The following CSTF3 variants were observed in gnomAD, a reference collection of about 807,000 sequenced individuals.
CSTF3 encodes cleavage stimulation factor subunit 3, also known as CF-1 77 kDa subunit.
Under a neutral mutation model 105.8 loss-of-function variants are expected in CSTF3, and 29 were observed. The ratio of observed to expected loss-of-function variants is 0.27; its 90% CI spans 0.20 to 0.37. CSTF3 has a LOEUF of 0.37. Ranked by LOEUF, CSTF3 falls within the 10% of genes least tolerant of loss-of-function variation. The pLI, the probability that CSTF3 is intolerant of heterozygous loss-of-function variation, is 1.00. For synonymous variants in CSTF3, 252 were observed against 281.9 expected (o/e 0.89, Z 1.06); for missense variants, 357 against 879.3 (o/e 0.41, Z 7.51).
Position 33,146,268 on chromosome 11 carries a change from T to A in CSTF3, c.28-4282A>T, listed in dbSNP as rs776090943. On this transcript the variant is annotated intron_variant, in intron 1 of 20. Coordinates refer to ENST00000323959, the MANE Select transcript of CSTF3 (RefSeq NM_001326.3). Reference sequence around the variant, plus strand: ...AAAAAAAAAGAAAAAAAGAAACTGATCAACGTTTAATATAAATGTCCGATT... The same window carrying A: ...AAAAAAAAAGAAAAAAAGAAACTGAACAACGTTTAATATAAATGTCCGATT... 5.3e-5 allele frequency among the ~76,000 whole-genome samples: 8 copies of A among 151,742 alleles called. 1 individual carries two copies. Among genetic ancestry groups the A allele is most frequent in the Admixed American group, 1.3e-4 (2 of 15,230 alleles).
intron 1 of CSTF3, among the ~76,000 whole-genome samples, chr11:33,142,245 T>C (rs1359312308): frequency 6.6e-6 from 1 of 152,052 alleles, no homozygotes; most frequent in Non-Finnish European, 1.5e-5. Flanking sequence ...ACTAAACACG[T>C]ACAGCCTTTT....
rs1855322209 is a variant in CSTF3, at chr11:33,106,025, T to C, written c.396A>G (p.Lys132=). The stretch of plus-strand genomic sequence containing the variant: ...GATAGGACATAATTTCCATTCCAAT[T>C]TTATCCAGTGCAAAGTCATATGCTT... The part of the protein sequence containing the change: ...MAQAYDFALD[K]IGMEIMSYQI... Residue 132 remains lysine (K), a synonymous_variant, in exon 6 of 21, where the codon AAA becomes AAG. Transcript: ENST00000323959. The C allele has an allele frequency of 1.2e-6, 2 of 1,612,960 alleles. No individual in the cohort carries two copies. The highest frequency in any genetic ancestry group is 1.1e-5 in the South Asian group (1 of 90,944).
intron 3 of CSTF3, among the ~76,000 whole-genome samples, chr11:33,132,945 T>C (rs1184345930): frequency 6.6e-6 from 1 of 151,970 alleles, no homozygotes; most frequent in Non-Finnish European, 1.5e-5. Flanking sequence ...ATATATAATA[T>C]ATATGTAACA....
intron 3 of CSTF3, among the ~76,000 whole-genome samples, chr11:33,120,412 C>T (rs1317838399): frequency 6.6e-6 from 1 of 151,644 alleles, no homozygotes; most frequent in Non-Finnish European, 1.5e-5. Context: ...ACATATATTA[C>T]CCTTTTAAAT....
chr11:33,091,706 GGTATCTT>G (rs2133769737), intron 16 of CSTF3, among the ~76,000 whole-genome samples: 2 of 152,106 alleles, frequency 1.3e-5, no homozygotes, highest in African/African-American at 4.8e-5. Context: ...GAGAGAGAGA[GGTATCTT>G]TTTTGTTGTT....
intron 1 of CSTF3, among the ~76,000 whole-genome samples, chr11:33,146,006 G>A (rs1402113773): frequency 6.6e-6 from 1 of 152,106 alleles, no homozygotes; most frequent in Non-Finnish European, 1.5e-5. Context: ...GGAGGCTGAG[G>A]CGAGTGGATC....
chr11:33,102,988 T>A (rs182534444), intron 9 of CSTF3, 119 bp downstream of exon 9: 1 of 653,944 alleles, frequency 1.5e-6, no homozygotes, highest in African/African-American at 1.9e-5. Context: ...ACTTTGCAAT[T>A]AATTGCTGTT....
At chr11:33,129,888 G>A (rs1855581225) in intron 3 of CSTF3, among the ~76,000 whole-genome samples, 1 of 152,170 alleles carries the variant, frequency 6.6e-6, no homozygotes, top group Admixed American at 6.5e-5. Context: ...CAACATCATA[G>A]TGGTTTACTT....
chr11:33,146,759 A>G (rs1333169766), intron 1 of CSTF3, among the ~76,000 whole-genome samples: 1 of 152,140 alleles, frequency 6.6e-6, no homozygotes, highest in East Asian at 1.9e-4. Context: ...TATTCGTCTG[A>G]GAAATATTCA....
At chr11:33,152,605 A>G (rs1019154534) in intron 1 of CSTF3, among the ~76,000 whole-genome samples, 63 of 152,348 alleles carry the variant, frequency 4.1e-4, no homozygotes, top group African/African-American at 1.5e-3. Context: ...CTTCACAGAC[A>G]TGATGTACTA....
intron 3 of CSTF3, among the ~76,000 whole-genome samples, chr11:33,140,423 C>A (rs1855697854): frequency 6.6e-6 from 1 of 152,026 alleles, no homozygotes; most frequent in East Asian, 1.9e-4. Flanking sequence ...AACATACATA[C>A]CACATACACA....
Position 33,090,727 on chromosome 11 carries a change from T to C in CSTF3, c.1446A>G (p.Gly482=). Residue 482 remains glycine, a splice_region_variant and synonymous_variant, in exon 17 of 21, where the codon GGA becomes GGG. Coordinates refer to ENST00000323959, the MANE Select transcript of CSTF3 (RefSeq NM_001326.3). ...ATGCTAGAAATCGGGCCCAGATTTC[T>C]CTGCAAGAAAAGAAATACAATCAAT... ...TSGSLPPEKS[G]EIWARFLAFE... 1 of 1,520,736 alleles carries C rather than the reference T, an allele frequency of 6.6e-7. No individual in the cohort carries two copies. The highest frequency in any genetic ancestry group is 8.8e-7 in the Non-Finnish European group (1 of 1,135,940). 94.2% of individuals were successfully genotyped at this position (1,520,736 alleles called of 1,614,324 possible).
At chr11:33,098,849 C>T in intron 12 of CSTF3, 85 bp from the exon 13 acceptor site, 1 of 1,248,552 alleles carries the variant, frequency 8.0e-7, no homozygotes, top group Non-Finnish European at 1.1e-6. Flanking sequence ...AGGCTATAAC[C>T]TCCCACCCCC....
At chr11:33,092,363 A>C in intron 15 of CSTF3, 23 bp from the exon 16 acceptor site, 3 of 1,429,516 alleles carry the variant, frequency 2.1e-6, no homozygotes, top group Non-Finnish European at 2.8e-6. Flanking sequence ...AAAAGATTTT[A>C]ATTTTTTTAA....
chr11:33,150,235 A>AAG (rs1554952973), intron 1 of CSTF3, among the ~76,000 whole-genome samples: 9 of 106,456 alleles, frequency 8.5e-5, no homozygotes, highest in African/African-American at 2.1e-4. Flanking sequence ...AAAAAAAAAA[A>AAG]AAAAGAAAAG....
At chr11:33,143,515 C>T (rs918831803) in intron 1 of CSTF3, among the ~76,000 whole-genome samples, 8 of 151,838 alleles carry the variant, frequency 5.3e-5, no homozygotes, top group South Asian at 2.1e-4. Flanking sequence ...TTTGGGAGGC[C>T]GAGGCAGGCA....
rs1408050209 is a variant in CSTF3, at chr11:33,154,487, C to CTTTTTTTTTTTTTTTTTTTTTTTTTTTT, written c.27+6811_27+6812insAAAAAAAAAAAAAAAAAAAAAAAAAAAA. On this transcript the variant is annotated intron_variant, in intron 1 of 20. Coordinates refer to ENST00000323959, the MANE Select transcript of CSTF3 (RefSeq NM_001326.3). ...TAGACCGGAGTAGCACTCCGTAAGA[C>CTTTTTTTTTTTTTTTTTTTTTTTTTTTT]TTTCTTTTTTTTTTTTTTTTTTTTT... Among the ~76,000 whole-genome samples the CTTTTTTTTTTTTTTTTTTTTTTTTTTTT allele has an allele frequency of 1.3e-4, 4 of 30,636 alleles. 2 individuals carry two copies. Among genetic ancestry groups the CTTTTTTTTTTTTTTTTTTTTTTTTTTTT allele is most frequent in the Non-Finnish European group, 1.9e-4 (2 of 10,446 alleles). The allele number at this position is 30,636 out of a possible 152,430, so 20.1% of individuals were successfully genotyped here. A position where few individuals can be genotyped will look rare whatever the true frequency, so the allele number is the denominator to read the frequency against.
Position 33,113,399 on chromosome 11 carries a change from C to T in CSTF3, c.226-4981G>A, listed in dbSNP as rs145373269. 2.4e-4 allele frequency among the ~76,000 whole-genome samples: 37 copies of T among 151,882 alleles called. 1 individual carries two copies. The East Asian group carries it at 7.2e-3, about 30-fold the overall frequency. ...GGTGTGGTGGCATATGCCTGTAATCCCGGCTGCTTGGGAGGCTGAGGTGGG... is the reference window on the plus strand; with the variant it reads ...GGTGTGGTGGCATATGCCTGTAATCTCGGCTGCTTGGGAGGCTGAGGTGGG... On this transcript the variant is annotated intron_variant, in intron 3 of 20. Transcript: ENST00000323959.
Position 33,096,031 on chromosome 11 carries a change from A to G in CSTF3, c.1375+275T>C, listed in dbSNP as rs115024325. 4.5e-4 allele frequency among the ~76,000 whole-genome samples: 68 copies of G among 152,270 alleles called. 1 individual carries two copies. The highest frequency in any genetic ancestry group is 1.3e-3 in the African/African-American group (52 of 41,570). ...GCCCAGAGTCATCAGAGATGAATATAAACAACTCTGTGTCTCCTGACTCTG... is the reference window on the plus strand; with the variant it reads ...GCCCAGAGTCATCAGAGATGAATATGAACAACTCTGTGTCTCCTGACTCTG... On this transcript the variant is annotated intron_variant, in intron 15 of 20. Coordinates refer to ENST00000323959, the MANE Select transcript of CSTF3 (RefSeq NM_001326.3).
Sources: gnomAD v4.1 joint callset for allele counts (sites outside exome capture counted in the v4.1 genomes callset) on GRCh38, gnomAD v4.1.1 for gene constraint, MANE v1.5 for transcripts, NCBI Gene and HGNC (gene_info 2026-07-23, HGNC 2026-07-21) for gene names.